The following PHACTR1 variants were observed in gnomAD, a reference collection of about 807,000 sequenced individuals.
PHACTR1 encodes the protein RPEL repeat containing 1.
A neutral mutation model predicts 69.2 loss-of-function variants in PHACTR1; 16 were observed. That is an observed-to-expected ratio of 0.23 (90% CI 0.16 to 0.35). The LOEUF (loss-of-function observed/expected upper bound fraction) is 0.35, where lower values mean the gene tolerates loss of function less well. Among genes scored for constraint, PHACTR1 ranks in the 10% least tolerant of loss-of-function variants. The pLI, the probability that PHACTR1 is intolerant of heterozygous loss-of-function variation, is 1.00. For synonymous variants in PHACTR1, 312 were observed against 284.5 expected (o/e 1.10, Z -0.97); for missense variants, 510 against 734.7 (o/e 0.69, Z 3.54).
chr6:13,084,753 C>T (rs978590351), intron 5 of PHACTR1, among the ~76,000 whole-genome samples: 2 of 151,998 alleles, frequency 1.3e-5, no homozygotes, highest in Non-Finnish European at 2.9e-5. Flanking sequence ...TGAATAATGA[C>T]ATTCTAAGCT....
chr6:13,269,545 CTT>C (rs1384018183), intron 10 of PHACTR1, among the ~76,000 whole-genome samples: 1 of 152,150 alleles, frequency 6.6e-6, no homozygotes, highest in African/African-American at 2.4e-5. Context: ...AAAAAACAAA[CTT>C]TGACTGGGAG....
intron 4 of PHACTR1, among the ~76,000 whole-genome samples, chr6:12,781,368 C>T (rs1035987327): frequency 6.6e-6 from 1 of 152,190 alleles, no homozygotes; most frequent in Non-Finnish European, 1.5e-5. Context: ...ACTAAATACT[C>T]GTTCCACCCA....
intron 5 of PHACTR1, among the ~76,000 whole-genome samples, chr6:13,136,510 A>C (rs1439236249): frequency 2.0e-5 from 3 of 152,244 alleles, no homozygotes; most frequent in South Asian, 2.1e-4. Context: ...CCATATCAGC[A>C]ACAAGGCTGT....
At chr6:12,860,172 G>A (rs1175291287) in intron 4 of PHACTR1, among the ~76,000 whole-genome samples, 2 of 151,912 alleles carry the variant, frequency 1.3e-5, no homozygotes, top group Admixed American at 6.6e-5. Flanking sequence ...TCCCTGACAG[G>A]CCCCAGTGTG....
intron 8 of PHACTR1, among the ~76,000 whole-genome samples, chr6:13,225,544 T>C (rs569094477): frequency 6.6e-6 from 1 of 152,350 alleles, no homozygotes; most frequent in South Asian, 2.1e-4. Flanking sequence ...AGCCTCTTGT[T>C]GATTACACAC....
chr6:13,268,449 C>A (rs923248001), intron 10 of PHACTR1, among the ~76,000 whole-genome samples: 1 of 152,128 alleles, frequency 6.6e-6, no homozygotes, highest in Non-Finnish European at 1.5e-5. Context: ...GAATATGTAA[C>A]GTCCCAGGGC....
Position 12,788,164 on chromosome 6 carries a change from A to C in PHACTR1, c.250+38374A>C, listed in dbSNP as rs1364893602. Among the ~76,000 whole-genome samples the C allele has an allele frequency of 1.0e-4, 5 of 47,770 alleles. No homozygotes were observed. The South Asian group carries it at 2.1e-3, about 20-fold the overall frequency. The allele number at this position is 47,770 out of a possible 152,430, so 31.3% of individuals were successfully genotyped here. On this transcript the variant is annotated intron_variant, in intron 4 of 14. Coordinates refer to ENST00000332995, the MANE Select transcript of PHACTR1 (RefSeq NM_030948.6). The stretch of plus-strand genomic sequence containing the variant: ...CAGAATGAGACTCAATCTCAAATTA[A>C]AAAAAAAAAAAAACACCTCAACAAA...
At chr6:13,211,794 C>G (rs567306149) in intron 8 of PHACTR1, among the ~76,000 whole-genome samples, 1 of 152,294 alleles carries the variant, frequency 6.6e-6, no homozygotes, top group Admixed American at 6.5e-5. Flanking sequence ...GCAGTTTCTC[C>G]CACCTGTTCT....
At chr6:12,762,097 G>A (rs1768090089) in intron 4 of PHACTR1, among the ~76,000 whole-genome samples, 1 of 152,164 alleles carries the variant, frequency 6.6e-6, no homozygotes, top group South Asian at 2.1e-4. Context: ...AATGCCTTCC[G>A]GGTGTAAGGA....
In PHACTR1 at chr6:13,246,408, T is replaced by C. The variant is rs944720871; in HGVS notation, c.1391+16215T>C. 2.6e-5 allele frequency among the ~76,000 whole-genome samples: 4 copies of C among 150,968 alleles called. No homozygotes were observed. The highest frequency in any genetic ancestry group is 9.7e-5 in the African/African-American group (4 of 41,322). On this transcript the variant is annotated intron_variant, in intron 10 of 14. Coordinates refer to ENST00000332995, the MANE Select transcript of PHACTR1 (RefSeq NM_030948.6). This position sits in a 1 kb window ranked among gnomAD's most constrained non-coding sequence, Gnocchi z 4.2. ...AATGTGCGAGCGAAAGATGTTTCCC[T>C]ACCTGGATGGCTGATGGTTCATTAC...
At chr6:13,060,421 G>C (rs1807499098) in intron 5 of PHACTR1, among the ~76,000 whole-genome samples, 1 of 152,162 alleles carries the variant, frequency 6.6e-6, no homozygotes, top group South Asian at 2.1e-4. Context: ...TGTGTCTTCT[G>C]ATTTGTCACC....
chr6:12,739,260 G>A (rs185156490), intron 3 of PHACTR1, among the ~76,000 whole-genome samples: 98 of 152,056 alleles, frequency 6.4e-4, no homozygotes, highest in African/African-American at 2.2e-3. Flanking sequence ...CAAAATGCTG[G>A]GACCTGAATC....
Position 12,968,300 on chromosome 6 carries a change from C to T in PHACTR1, c.251-85065C>T, listed in dbSNP as rs73364176. Reference sequence around the variant, plus strand: ...GAATTTCACAAATGAGCTTGGAAAACAGCAGCTTCAAAGGAGCTATTGACT... The same window carrying T: ...GAATTTCACAAATGAGCTTGGAAAATAGCAGCTTCAAAGGAGCTATTGACT... On this transcript the variant is annotated intron_variant, in intron 4 of 14. Transcript: ENST00000332995. Among the ~76,000 whole-genome samples the T allele has an allele frequency of 8.7e-3, 1,315 of 151,644 alleles. 19 individuals carry two copies. The highest frequency in any genetic ancestry group is 0.03 in the African/African-American group (1,233 of 41,492).
In PHACTR1 at chr6:13,195,045, A is replaced by G. The variant is rs574296135; in HGVS notation, c.665-10770A>G. On this transcript the variant is annotated intron_variant, in intron 7 of 14. Coordinates refer to ENST00000332995, the MANE Select transcript of PHACTR1 (RefSeq NM_030948.6). ...TGTTTCTCTCAACATCATCCCTCTC[A>G]CCACAAGGGGTCAGTCAGCACATTT... is the stretch of plus-strand genomic sequence containing the variant. Among the ~76,000 whole-genome samples, 4 of 152,206 alleles carry G rather than the reference A, an allele frequency of 2.6e-5. No individual in the cohort carries two copies. The South Asian group carries it at 6.2e-4, about 24-fold the overall frequency.
At chr6:13,036,341 T>C (rs1803307311) in intron 4 of PHACTR1, among the ~76,000 whole-genome samples, 1 of 152,214 alleles carries the variant, frequency 6.6e-6, no homozygotes. Context: ...AGCAACAAAC[T>C]ATAGCAATTT....
At position 13,245,503 on chromosome 6, in the gene PHACTR1, G is replaced by T. The variant is rs1773468624; in HGVS notation, c.1391+15310G>T. Reference sequence around the variant, plus strand: ...TGTCTGTTCATGTCCTTTTTAATGGGGTTGTTTGTTTTTTGCTTGTAAATT... The same window carrying T: ...TGTCTGTTCATGTCCTTTTTAATGGTGTTGTTTGTTTTTTGCTTGTAAATT... On this transcript the variant is annotated intron_variant, in intron 10 of 14. Transcript: ENST00000332995. This position sits in a 1 kb window ranked among gnomAD's most constrained non-coding sequence, Gnocchi z 4.1. 6.6e-6 allele frequency among the ~76,000 whole-genome samples: 1 copy of T among 152,030 alleles called. No homozygotes were observed. The highest frequency in any genetic ancestry group is 2.4e-5 in the African/African-American group (1 of 41,394).
chr6:12,797,036 T>A (rs113404809), intron 4 of PHACTR1, among the ~76,000 whole-genome samples: 387 of 108,118 alleles, frequency 3.6e-3, no homozygotes, highest in African/African-American at 9.1e-3. Flanking sequence ...TGTGTGTGTG[T>A]GTGTGAGAGA....
At chr6:13,172,191 A>G (rs1056064561) in intron 6 of PHACTR1, among the ~76,000 whole-genome samples, 1 of 152,172 alleles carries the variant, frequency 6.6e-6, no homozygotes, top group African/African-American at 2.4e-5. Flanking sequence ...CATAGGAGAG[A>G]AACTGTGACA....
At chr6:13,087,555 T>C (rs2127817113) in intron 5 of PHACTR1, among the ~76,000 whole-genome samples, 1 of 152,034 alleles carries the variant, frequency 6.6e-6, no homozygotes, top group East Asian at 1.9e-4. Flanking sequence ...GAAAATCATA[T>C]AATTATCTCA....
Sources: allele counts gnomAD v4.1 joint callset (sites outside exome capture counted in the v4.1 genomes callset), GRCh38; gene constraint gnomAD v4.1.1; non-coding constraint Gnocchi (gnomAD v3.1); transcripts MANE v1.5; gene names NCBI Gene and HGNC (gene_info 2026-07-23, HGNC 2026-07-21).